Variants in TSPEAR observed in about 807,000 individuals in gnomAD.
The protein encoded by TSPEAR is thrombospondin type laminin G domain and EAR repeats, also known as thrombospondin-type laminin G domain and EAR repeat-containing protein.
A neutral mutation model predicts 71.6 loss-of-function variants in TSPEAR; 69 were observed. The ratio of observed to expected loss-of-function variants is 0.96; its 90% CI spans 0.79 to 1.18. The LOEUF (loss-of-function observed/expected upper bound fraction) is 1.18, where lower values mean the gene tolerates loss of function less well. Ranked by LOEUF, TSPEAR falls within the 50% of genes most tolerant of loss-of-function variation. The pLI is 0.00. For synonymous variants in TSPEAR, 402 were observed against 387.2 expected (o/e 1.04, Z -0.45); for missense variants, 971 against 894.9 (o/e 1.09, Z -1.09).
At chr21:44,624,270 T>A (rs764503957) in intron 1 of TSPEAR, among the ~76,000 whole-genome samples, 2 of 152,274 alleles carry the variant, frequency 1.3e-5, no homozygotes, top group Non-Finnish European at 2.9e-5. Context: ...TAAATCTAGT[T>A]TGACACTGAA....
intron 1 of TSPEAR, among the ~76,000 whole-genome samples, chr21:44,610,723 G>A (rs910058822): frequency 3.3e-5 from 5 of 152,162 alleles, no homozygotes; most frequent in African/African-American, 1.2e-4. Flanking sequence ...CATGTGCCTG[G>A]AAAAGCTGCT....
rs114803053 is a variant in TSPEAR, at chr21:44,623,895, T to A, written c.83-55890A>T. Among the ~76,000 whole-genome samples the A allele has an allele frequency of 0.016, 2,437 of 152,342 alleles. 69 individuals carry two copies. Among genetic ancestry groups the A allele is most frequent in the African/African-American group, 0.054 (2,244 of 41,574 alleles). On this transcript the variant is annotated intron_variant, in intron 1 of 11. Transcript: ENST00000323084. This position sits in a 1 kb window ranked among gnomAD's most constrained non-coding sequence, Gnocchi z 4.5. ...CAATATGCACAGGCATGGTTTCCTT[T>A]GTATTCACCTTGCTAAACATTCTTA... is the stretch of plus-strand genomic sequence containing the variant.
At chr21:44,511,798 A>C (rs1461629446) in intron 9 of TSPEAR, among the ~76,000 whole-genome samples, 1 of 152,246 alleles carries the variant, frequency 6.6e-6, no homozygotes, top group Admixed American at 6.5e-5. Context: ...TCTCAGGGAA[A>C]GGCCCGGAGT....
chr21:44,669,125 G>A (rs1468293334), intron 1 of TSPEAR, among the ~76,000 whole-genome samples: 1 of 152,182 alleles, frequency 6.6e-6, no homozygotes, highest in Non-Finnish European at 1.5e-5. Flanking sequence ...TCATTAAACA[G>A]CATCACATAT....
chr21:44,633,868 T>G (rs911307575), intron 1 of TSPEAR, among the ~76,000 whole-genome samples: 2 of 152,224 alleles, frequency 1.3e-5, no homozygotes. Context: ...TGCCTATTTC[T>G]TTCTTCTCTT....
At chr21:44,510,161 C>T (rs1277815628) in intron 9 of TSPEAR, among the ~76,000 whole-genome samples, 3 of 152,188 alleles carry the variant, frequency 2.0e-5, no homozygotes, top group Non-Finnish European at 2.9e-5. Flanking sequence ...GTCCACAAGG[C>T]GGAAGCTTCT....
intron 10 of TSPEAR, chr21:44,508,564 A>T: frequency 8.7e-7 from 1 of 1,148,996 alleles, no homozygotes; most frequent in South Asian, 1.8e-5. Context: ...AGGACGCCCC[A>T]CACTGGTCAG....
chr21:44,601,572 C>T (rs782618344), intron 1 of TSPEAR: 5 of 1,613,726 alleles, frequency 3.1e-6, no homozygotes, highest in Non-Finnish European at 4.2e-6. Context: ...GCCCCGTGTG[C>T]AGGCCCGCCT....
At chr21:44,518,514 C>CTT (rs1288266139) in intron 9 of TSPEAR, 4 of 398,672 alleles carry the variant, frequency 1.0e-5, no homozygotes, top group African/African-American at 2.1e-5. Flanking sequence ...TGTCACCTCA[C>CTT]TTTGTGATTT....
intron 1 of TSPEAR, among the ~76,000 whole-genome samples, chr21:44,622,785 T>C (rs1982525961): frequency 6.6e-6 from 1 of 152,214 alleles, no homozygotes; most frequent in South Asian, 2.1e-4. Context: ...ACATTGTGAG[T>C]GACATGGTTT....
chr21:44,703,975 G>A (rs1387040951), intron 1 of TSPEAR, among the ~76,000 whole-genome samples: 3 of 152,218 alleles, frequency 2.0e-5, no homozygotes, highest in African/African-American at 7.2e-5. Context: ...AGGAGGCCCT[G>A]AAATCCAGCA....
intron 2 of TSPEAR, among the ~76,000 whole-genome samples, chr21:44,562,043 C>G (rs1449143932): frequency 6.6e-6 from 1 of 152,090 alleles, no homozygotes; most frequent in Admixed American, 6.6e-5. Flanking sequence ...GCCAAATTAT[C>G]TCTGTTTGCA....
At chr21:44,584,573 A>G (rs1569201800) in intron 1 of TSPEAR, among the ~76,000 whole-genome samples, 1 of 152,130 alleles carries the variant, frequency 6.6e-6, no homozygotes, top group Admixed American at 6.6e-5. Flanking sequence ...CTCTTGCTTT[A>G]TCTTTTTAAA....
At chr21:44,647,999 C>T (rs1482702404) in intron 1 of TSPEAR, among the ~76,000 whole-genome samples, 1 of 152,214 alleles carries the variant, frequency 6.6e-6, no homozygotes, top group African/African-American at 2.4e-5. Flanking sequence ...TCAGTTGGGA[C>T]CTGAGAGCCC....
intron 1 of TSPEAR, among the ~76,000 whole-genome samples, chr21:44,704,194 C>A (rs1987792970): frequency 6.6e-6 from 1 of 151,954 alleles, no homozygotes; most frequent in Non-Finnish European, 1.5e-5. Flanking sequence ...CTCTTCCTAG[C>A]CCCTGGGGGT....
chr21:44,697,070 C>T (rs1987376760), intron 1 of TSPEAR: 2 of 1,346,602 alleles, frequency 1.5e-6, no homozygotes, highest in South Asian at 1.4e-5. Context: ...CCCAGACGCT[C>T]ACTCACTCCC....
At chr21:44,669,778 C>T (rs1416062140) in intron 1 of TSPEAR, among the ~76,000 whole-genome samples, 1 of 152,228 alleles carries the variant, frequency 6.6e-6, no homozygotes, top group Non-Finnish European at 1.5e-5. Flanking sequence ...TTTGCCCCAG[C>T]AGTCCCACCC....
rs115248945 is a variant in TSPEAR, at chr21:44,512,921, G to A, written c.1567-3535C>T. Among the ~76,000 whole-genome samples, 1,084 of 152,250 alleles carry A rather than the reference G, an allele frequency of 7.1e-3. 8 individuals are homozygous for A. The highest frequency in any genetic ancestry group is 0.024 in the African/African-American group (988 of 41,516). The stretch of plus-strand genomic sequence containing the variant: ...CAGACAGGCCTGGGGGGCCGGGGGC[G>A]GCTCAGAGGCTGCTCAAGTCACCCT... On this transcript the variant is annotated intron_variant, in intron 9 of 11. Transcript: ENST00000323084.
chr21:44,672,527 G>A (rs1291783881), intron 1 of TSPEAR, among the ~76,000 whole-genome samples: 8 of 152,092 alleles, frequency 5.3e-5, no homozygotes, highest in South Asian at 2.1e-4. Flanking sequence ...CAGAGATGGC[G>A]CCACTGCACT....
Sources: gnomAD v4.1 joint callset for allele counts (sites outside exome capture counted in the v4.1 genomes callset) on GRCh38, gnomAD v4.1.1 for gene constraint, Gnocchi (gnomAD v3.1) non-coding constraint, MANE v1.5 for transcripts, NCBI Gene and HGNC (gene_info 2026-07-23, HGNC 2026-07-21) for gene names.